The following ZNF521 variants were observed in gnomAD, a reference collection of about 807,000 sequenced individuals.
The protein encoded by ZNF521 is zinc finger protein 521.
ZNF521 carries 14 observed loss-of-function variants against 105.5 expected under a neutral mutation model. The ratio of observed to expected loss-of-function variants is 0.13; its 90% CI spans 0.09 to 0.21. ZNF521 has a LOEUF of 0.21. Ranked by LOEUF, ZNF521 falls within the 10% of genes least tolerant of loss-of-function variation. The pLI, the probability that ZNF521 is intolerant of heterozygous loss-of-function variation, is 1.00. For missense variants in ZNF521, 1,233 were observed against 1,629.7 expected (o/e 0.76, Z 4.19); for synonymous variants, 635 against 606.0 (o/e 1.05, Z -0.70).
At chr18:25,267,306 C>T (rs1266969150) in intron 3 of ZNF521, among the ~76,000 whole-genome samples, 9 of 152,208 alleles carry the variant, frequency 5.9e-5, no homozygotes, top group Admixed American at 2.0e-4. Flanking sequence ...ACCCCCATCT[C>T]CCTGGGAGAG....
At chr18:25,297,378 A>T (rs1385110949) in intron 3 of ZNF521, among the ~76,000 whole-genome samples, 2 of 152,156 alleles carry the variant, frequency 1.3e-5, no homozygotes, top group African/African-American at 4.8e-5. Flanking sequence ...CACAAAATCA[A>T]TTCACAATAT....
rs112698467 is a variant in ZNF521, at chr18:25,297,142, C to CACACACACAT, written c.220+24865_220+24866insATGTGTGTGT. On this transcript the variant is annotated intron_variant, in intron 3 of 7. Transcript: ENST00000361524. Reference sequence around the variant, plus strand: ...CCCTTTATACACACACACACACACACATATATATATATACTGAATTAAAAT... The same window carrying CACACACACAT: ...CCCTTTATACACACACACACACACACACACACACATATATATATATATACTGAATTAAAAT... Among the ~76,000 whole-genome samples, 9 of 146,322 alleles carry CACACACACAT rather than the reference C, an allele frequency of 6.2e-5. No homozygotes were observed. The East Asian group carries it at 8.1e-4, about 13-fold the overall frequency.
chr18:25,249,843 C>T (rs1418750783), intron 3 of ZNF521, among the ~76,000 whole-genome samples: 2 of 152,188 alleles, frequency 1.3e-5, no homozygotes, highest in Admixed American at 6.5e-5. Context: ...ATTACACTTG[C>T]AGGGGACAGA....
chr18:25,189,603 A>C (rs953522338), intron 5 of ZNF521, among the ~76,000 whole-genome samples: 1 of 152,178 alleles, frequency 6.6e-6, no homozygotes, highest in African/African-American at 2.4e-5. Context: ...GTTCCCTGCT[A>C]TCTCTGTGAC....
intron 3 of ZNF521, among the ~76,000 whole-genome samples, chr18:25,233,560 G>A (rs1906675497): frequency 6.6e-6 from 1 of 152,082 alleles, no homozygotes; most frequent in Non-Finnish European, 1.5e-5. Flanking sequence ...GAAGAAGGGT[G>A]GTCACCCATT....
chr18:25,084,453 T>C (rs1368920925), intron 7 of ZNF521, among the ~76,000 whole-genome samples: 1 of 150,962 alleles, frequency 6.6e-6, no homozygotes, highest in African/African-American at 2.4e-5. Flanking sequence ...TGGAAGTGAT[T>C]TGAGAAGGAA....
chr18:25,235,997 G>T (rs1906865267), intron 3 of ZNF521, among the ~76,000 whole-genome samples: 1 of 152,182 alleles, frequency 6.6e-6, no homozygotes, highest in South Asian at 2.1e-4. Flanking sequence ...GGACATACAT[G>T]TGTCTAACAA....
At chr18:25,294,851 C>T (rs1156653387) in intron 3 of ZNF521, among the ~76,000 whole-genome samples, 2 of 34,828 alleles carry the variant, frequency 5.7e-5, no homozygotes, top group East Asian at 1.5e-3. Flanking sequence ...AAGATTCTGT[C>T]TCAAAAAAAA....
intron 5 of ZNF521, among the ~76,000 whole-genome samples, chr18:25,107,333 T>C (rs1370985367): frequency 6.6e-6 from 1 of 152,228 alleles, no homozygotes; most frequent in Non-Finnish European, 1.5e-5. Context: ...GAAATATCTT[T>C]TAACACTCAG....
At chr18:25,351,880 G>GGCGGCGGCAGCA (rs1379395523) in intron 1 of ZNF521, 125 bp downstream of exon 1, 9 of 271,512 alleles carry the variant, frequency 3.3e-5, no homozygotes, top group East Asian at 1.4e-4. Flanking sequence ...CCTCGGCAGC[G>GGCGGCGGCAGCA]GCGGCGGCAG....
chr18:25,117,046 C>CACAT (rs1555635746), intron 5 of ZNF521, among the ~76,000 whole-genome samples: 1 of 78,562 alleles, frequency 1.3e-5, no homozygotes, highest in Non-Finnish European at 2.4e-5. Context: ...CACACACACA[C>CACAT]ATATATATAC....
intron 2 of ZNF521, among the ~76,000 whole-genome samples, chr18:25,329,273 G>A (rs1210843419): frequency 8.8e-6 from 1 of 113,136 alleles, no homozygotes; most frequent in African/African-American, 3.5e-5. Flanking sequence ...GAGTGGTTTT[G>A]TCCATTTACC....
intron 3 of ZNF521, among the ~76,000 whole-genome samples, chr18:25,277,500 C>T (rs750422591): frequency 5.3e-5 from 8 of 152,142 alleles, no homozygotes; most frequent in African/African-American, 1.7e-4. Context: ...AAGAGAAACT[C>T]GGACCCTCAA....
At chr18:25,168,390 G>A (rs1230344700) in intron 5 of ZNF521, among the ~76,000 whole-genome samples, 1 of 152,052 alleles carries the variant, frequency 6.6e-6, no homozygotes, top group Non-Finnish European at 1.5e-5. Context: ...TTTTCTCCCG[G>A]TTCTGTATCC....
At chr18:25,186,904 TAAAAAAAAAAA>T (rs113619835) in intron 5 of ZNF521, among the ~76,000 whole-genome samples, 1 of 74,338 alleles carries the variant, frequency 1.3e-5, no homozygotes. Flanking sequence ...AAAGTAATGC[TAAAAAAAAAAA>T]AAAAAAGAAA....
chr18:25,267,552 C>A (rs1909356382), intron 3 of ZNF521, among the ~76,000 whole-genome samples: 1 of 152,148 alleles, frequency 6.6e-6, no homozygotes, highest in Non-Finnish European at 1.5e-5. Context: ...TGGTGGGTGA[C>A]CCTCTGGGAC....
intron 3 of ZNF521, among the ~76,000 whole-genome samples, chr18:25,314,265 T>C (rs1328292091): frequency 6.6e-6 from 1 of 152,146 alleles, no homozygotes; most frequent in African/African-American, 2.4e-5. Flanking sequence ...AAACTACTCA[T>C]CTCCCTTATT....
At chr18:25,172,891 C>A (rs779579823) in intron 5 of ZNF521, among the ~76,000 whole-genome samples, 1 of 152,180 alleles carries the variant, frequency 6.6e-6, no homozygotes, top group Non-Finnish European at 1.5e-5. Context: ...ACCCAATATC[C>A]ACCTGTACAT....
intron 4 of ZNF521, among the ~76,000 whole-genome samples, chr18:25,220,305 T>C (rs980599904): frequency 2.0e-5 from 3 of 152,314 alleles, no homozygotes; most frequent in Non-Finnish European, 2.9e-5. Flanking sequence ...AGAAGAGCCC[T>C]TGGAGTCAGC....
Sources: gnomAD v4.1 joint callset for allele counts (sites outside exome capture counted in the v4.1 genomes callset) on GRCh38, gnomAD v4.1.1 for gene constraint, MANE v1.5 for transcripts, NCBI Gene and HGNC (gene_info 2026-07-23, HGNC 2026-07-21) for gene names.